The following SHROOM3 variants were observed in gnomAD, a reference collection of about 807,000 sequenced individuals.
SHROOM3 encodes protein Shroom3.
Under a neutral mutation model 138.6 loss-of-function variants are expected in SHROOM3, and 47 were observed. The ratio of observed to expected loss-of-function variants is 0.34; its 90% CI spans 0.27 to 0.43. The LOEUF (loss-of-function observed/expected upper bound fraction) is 0.43, where lower values mean the gene tolerates loss of function less well. Among genes scored for constraint, SHROOM3 ranks in the 20% least tolerant of loss-of-function variants. The pLI, the probability that SHROOM3 is intolerant of heterozygous loss-of-function variation, is 1.00. For synonymous variants in SHROOM3, 1,062 were observed against 1,063.3 expected (o/e 1.00, Z 0.02); for missense variants, 2,491 against 2,596.5 (o/e 0.96, Z 0.88).
intron 3 of SHROOM3, among the ~76,000 whole-genome samples, chr4:76,720,916 C>T (rs1039932581): frequency 2.6e-5 from 4 of 151,858 alleles, no homozygotes; most frequent in South Asian, 2.1e-4. Context: ...GGCCTCCCCC[C>T]GAATTATTTC....
intron 8 of SHROOM3, among the ~76,000 whole-genome samples, chr4:76,757,832 CT>C (rs1311005240): frequency 6.6e-6 from 1 of 152,196 alleles, no homozygotes; most frequent in Non-Finnish European, 1.5e-5. Flanking sequence ...GACTGAGTAG[CT>C]TTCATTTTCT....
In SHROOM3 at chr4:76,515,731, C is replaced by T. The variant is rs139575096; in HGVS notation, c.169-39878C>T. On this transcript the variant is annotated intron_variant, in intron 1 of 10. Transcript: ENST00000296043. ...TTTACGTCTAAAAACCATATAAACT[C>T]AAGCCGAGACTTGTCTGGGTGTAGA... 3.9e-5 allele frequency among the ~76,000 whole-genome samples: 6 copies of T among 152,250 alleles called. No homozygotes were observed. In the East Asian group the frequency reaches 1.2e-3, roughly 29 times the overall value.
chr4:76,674,811 T>A (rs1220782130), intron 2 of SHROOM3, among the ~76,000 whole-genome samples: 1 of 152,230 alleles, frequency 6.6e-6, no homozygotes, highest in East Asian at 1.9e-4. Flanking sequence ...TGCCTCGGCC[T>A]CCCAAAGTGC....
Position 76,778,730 on chromosome 4 carries a change from C to A in SHROOM3, c.5623-79C>A. 1.9e-6 allele frequency: 3 copies of A among 1,589,564 alleles called. No homozygotes were observed. In the East Asian group the frequency reaches 6.7e-5, roughly 36 times the overall value. On this transcript the variant is annotated intron_variant, in intron 10 of 10. Coordinates refer to ENST00000296043, the MANE Select transcript of SHROOM3 (RefSeq NM_020859.4). ...GAGCTTAGATATTTCCCAGTCCTGT[C>A]AGAGGTGTCCTTGCAGGGAGTCTGG...
chr4:76,763,760 C>T (rs1487219465), intron 9 of SHROOM3, among the ~76,000 whole-genome samples: 1 of 152,116 alleles, frequency 6.6e-6, no homozygotes, highest in Non-Finnish European at 1.5e-5. Flanking sequence ...TAATGAACTA[C>T]AAGTTTATAA....
In SHROOM3 at chr4:76,741,636, C is replaced by A; in HGVS notation, c.3463C>A (p.Leu1155Ile). 1 of 1,543,798 alleles carries A rather than the reference C, an allele frequency of 6.5e-7. No homozygotes were observed. ...PSLQPRREAT[L>I]LPATVAETQQ... is the part of the protein sequence containing the mutation. ...CCTGCAGCCCCGCAGGGAGGCCACG[C>A]TCCTGCCGGCCACAGTTGCAGAAAC... is the stretch of plus-strand genomic sequence containing the variant. The change falls in exon 5 of 11, where the codon CTC becomes ATC. Residue 1155 changes from leucine to isoleucine, a missense_variant. This residue lies in a region of SHROOM3 where 1,733 missense variants were observed against 1,661.6 expected (regional missense o/e 1.04). Transcript: ENST00000296043. This position sits in a 1 kb window ranked among gnomAD's most constrained non-coding sequence, Gnocchi z 6.2.
chr4:76,592,419 C>A (rs1460526153), intron 2 of SHROOM3, among the ~76,000 whole-genome samples: 1 of 152,200 alleles, frequency 6.6e-6, no homozygotes, highest in Non-Finnish European at 1.5e-5. Flanking sequence ...AGCTGTCATC[C>A]ATTTGCTTAT....
chr4:76,594,723 T>A (rs1734346064), intron 2 of SHROOM3, among the ~76,000 whole-genome samples: 1 of 152,140 alleles, frequency 6.6e-6, no homozygotes, highest in Admixed American at 6.5e-5. Context: ...CAGGGAACCA[T>A]TGGAACGCCA....
chr4:76,622,621 G>A lies in SHROOM3; in HGVS notation c.323+66858G>A, dbSNP rs150091160. ...TAGATTATATTTTTGGCTCAAGAAG[G>A]AACAAAAAATGGAATTTGGAAGGCA... On this transcript the variant is annotated intron_variant, in intron 2 of 10. Transcript: ENST00000296043. Among the ~76,000 whole-genome samples the A allele has an allele frequency of 4.3e-3, 654 of 151,866 alleles. 14 individuals are homozygous for A. In the East Asian group the frequency reaches 0.044, roughly 10 times the overall value.
At chr4:76,521,031 C>T (rs1462863000) in intron 1 of SHROOM3, among the ~76,000 whole-genome samples, 7 of 152,174 alleles carry the variant, frequency 4.6e-5, no homozygotes, top group East Asian at 3.8e-4. Context: ...AATAGCTTTC[C>T]GTGGCTGCTG....
intron 1 of SHROOM3, among the ~76,000 whole-genome samples, chr4:76,457,387 C>T (rs886871955): frequency 1.3e-5 from 2 of 152,120 alleles, no homozygotes; most frequent in Admixed American, 1.3e-4. Context: ...TCCCCCTTTG[C>T]TTTCCACCAT....
At chr4:76,597,737 A>G (rs910511397) in intron 2 of SHROOM3, among the ~76,000 whole-genome samples, 2 of 152,202 alleles carry the variant, frequency 1.3e-5, no homozygotes, top group African/African-American at 2.4e-5. Context: ...GCTAAATGAG[A>G]TCTGGCTTCT....
chr4:76,489,799 T>C (rs1731811442), intron 1 of SHROOM3, among the ~76,000 whole-genome samples: 1 of 152,186 alleles, frequency 6.6e-6, no homozygotes, highest in Non-Finnish European at 1.5e-5. Context: ...TAGAGGGACA[T>C]AGTTGTGTCA....
intron 1 of SHROOM3, among the ~76,000 whole-genome samples, chr4:76,444,822 C>A (rs533626774): frequency 2.0e-5 from 3 of 152,076 alleles, no homozygotes; most frequent in Admixed American, 6.5e-5. Context: ...AGGCACCAGG[C>A]ATGGTGGCTC....
At chr4:76,755,348 T>G (rs1721771226) in intron 7 of SHROOM3, among the ~76,000 whole-genome samples, 156 bp downstream of exon 7, 1 of 151,984 alleles carries the variant, frequency 6.6e-6, no homozygotes, top group African/African-American at 2.4e-5. Flanking sequence ...CCTCAGGAGG[T>G]AGTTGGACCA....
intron 2 of SHROOM3, among the ~76,000 whole-genome samples, chr4:76,570,772 A>G (rs575422468): frequency 6.6e-6 from 1 of 152,350 alleles, no homozygotes; most frequent in African/African-American, 2.4e-5. Context: ...GCCCTGCAAC[A>G]GTGAGGGCTG....
intron 1 of SHROOM3, among the ~76,000 whole-genome samples, chr4:76,450,849 A>G (rs1730911566): frequency 6.6e-6 from 1 of 152,238 alleles, no homozygotes; most frequent in South Asian, 2.1e-4. Flanking sequence ...ATAAAGAAAA[A>G]CACTACTTCT....
chr4:76,588,289 A>G (rs56857614), intron 2 of SHROOM3, among the ~76,000 whole-genome samples: 23,728 of 152,190 alleles, frequency 0.16, 1,969 homozygotes, highest in East Asian at 0.27. Flanking sequence ...CAAGAACAAT[A>G]TCATTAGAGA....
chr4:76,751,072 G>A (rs143691447), intron 6 of SHROOM3, among the ~76,000 whole-genome samples: 81 of 152,268 alleles, frequency 5.3e-4, no homozygotes, highest in African/African-American at 1.9e-3. Context: ...CACAGATCCT[G>A]TGCTATGAAT....
Sources: gnomAD v4.1 joint callset for allele counts (sites outside exome capture counted in the v4.1 genomes callset) on GRCh38, gnomAD v4.1.1 for gene constraint, gnomAD v4.1.1 regional missense constraint, Gnocchi (gnomAD v3.1) non-coding constraint, MANE v1.5 for transcripts, NCBI Gene and HGNC (gene_info 2026-07-23, HGNC 2026-07-21) for gene names.